Variants in EYA4 observed in about 807,000 individuals in gnomAD.
EYA4 encodes protein phosphatase EYA4.
Under a neutral mutation model 87.9 loss-of-function variants are expected in EYA4, and 31 were observed. The observed-to-expected ratio is 0.35, with a 90% CI of 0.27 to 0.48. The LOEUF is 0.48. Among genes scored for constraint, EYA4 ranks in the 20% least tolerant of loss-of-function variants. EYA4 has a pLI of 0.99. For missense variants in EYA4, 678 were observed against 761.4 expected (o/e 0.89, Z 1.29); for synonymous variants, 263 against 270.6 (o/e 0.97, Z 0.28).
chr6:133,497,382 A>G (rs1322931241), intron 13 of EYA4, among the ~76,000 whole-genome samples: 2 of 152,186 alleles, frequency 1.3e-5, no homozygotes, highest in African/African-American at 4.8e-5. Context: ...AAATTATGTG[A>G]ATTTCCCAAG....
intron 1 of EYA4, among the ~76,000 whole-genome samples, chr6:133,242,675 C>T (rs1774058164): frequency 6.6e-6 from 1 of 152,322 alleles, no homozygotes; most frequent in African/African-American, 2.4e-5. Context: ...AAAGAGTTTT[C>T]TCCCTTTGTT....
chr6:133,245,677 G>C (rs1364386623), intron 1 of EYA4, among the ~76,000 whole-genome samples: 1 of 152,190 alleles, frequency 6.6e-6, no homozygotes, highest in Non-Finnish European at 1.5e-5. Context: ...GCATCTTATA[G>C]TTAGATGTGT....
intron 2 of EYA4, among the ~76,000 whole-genome samples, chr6:133,312,800 A>C (rs2128336150): frequency 6.6e-6 from 1 of 152,092 alleles, no homozygotes; most frequent in Admixed American, 6.5e-5. Flanking sequence ...TAAGAAATTT[A>C]ACTTCTCTTC....
At position 133,530,498 on chromosome 6, in the gene EYA4, T is replaced by A; in HGVS notation, c.*1693T>A. On this transcript the variant is annotated 3_prime_UTR_variant, in exon 20 of 20. Coordinates refer to ENST00000355286, the MANE Select transcript of EYA4 (RefSeq NM_004100.5). Reference sequence around the variant, plus strand: ...TGTGTTTAAAATGTCATAATGTGGATCCTGGAGTCAGGCTACTAGTCAGTG... The same window carrying A: ...TGTGTTTAAAATGTCATAATGTGGAACCTGGAGTCAGGCTACTAGTCAGTG... 1 of 985,838 alleles carries A rather than the reference T, an allele frequency of 1.0e-6. No homozygotes were observed. Among genetic ancestry groups the A allele is most frequent in the Non-Finnish European group, 1.2e-6 (1 of 829,902 alleles). 61.1% of individuals were successfully genotyped at this position (985,838 alleles called of 1,614,324 possible). A position where few individuals can be genotyped will look rare whatever the true frequency, so the allele number is the denominator to read the frequency against.
At chr6:133,388,214 C>A (rs1786928041) in intron 3 of EYA4, among the ~76,000 whole-genome samples, 1 of 151,056 alleles carries the variant, frequency 6.6e-6, no homozygotes, top group African/African-American at 2.4e-5. Flanking sequence ...CGAGACCAGC[C>A]TGGCCAACAT....
intron 2 of EYA4, among the ~76,000 whole-genome samples, chr6:133,373,801 A>G (rs182627072): frequency 1.8e-4 from 28 of 152,204 alleles, no homozygotes; most frequent in Middle Eastern, 3.4e-3. Context: ...AAATTCTTTT[A>G]GCGCTTATGT....
intron 11 of EYA4, among the ~76,000 whole-genome samples, chr6:133,478,081 T>TA (rs978513295): frequency 3.3e-5 from 5 of 151,788 alleles, no homozygotes; most frequent in Non-Finnish European, 5.9e-5. Context: ...ATGGTGAAAA[T>TA]AAAAAAACGC....
Position 133,462,735 on chromosome 6 carries a change from G to C in EYA4, c.695G>C (p.Gly232Ala). 6.2e-7 allele frequency: 1 copy of C among 1,613,914 alleles called. No individual in the cohort carries two copies. Among genetic ancestry groups the C allele is most frequent in the Non-Finnish European group, 8.5e-7 (1 of 1,179,892 alleles). The change falls in exon 9 of 20, where the codon GGC becomes GCC. Residue 232 changes from glycine to alanine, a missense_variant. Gly to Ala is a moderately conservative substitution (Grantham distance 60). Transcript: ENST00000355286. ...CCAGGGTTCTCTACCCCACAGCCAG[G>C]CCAGACACCTTATTCTTACCAAATG... ...YSPGFSTPQP[G>A]QTPYSYQMPG...
intron 10 of EYA4, among the ~76,000 whole-genome samples, chr6:133,466,250 T>A (rs1794828947): frequency 6.6e-6 from 1 of 152,136 alleles, no homozygotes; most frequent in African/African-American, 2.4e-5. Context: ...TTGGGAGGAT[T>A]AAGAAAAGAT....
intron 19 of EYA4, chr6:133,525,750 C>T (rs1180134440): frequency 1.5e-5 from 3 of 206,002 alleles, no homozygotes; most frequent in Non-Finnish European, 2.6e-5. Context: ...ATATGGTCCT[C>T]GTGAGTGCCT....
At chr6:133,439,632 T>C (rs905361482) in intron 3 of EYA4, among the ~76,000 whole-genome samples, 1 of 152,228 alleles carries the variant, frequency 6.6e-6, no homozygotes, top group African/African-American at 2.4e-5. Context: ...CGACAGTACA[T>C]GCAGAGCGTT....
intron 2 of EYA4, among the ~76,000 whole-genome samples, chr6:133,339,364 C>T (rs1782617284): frequency 6.6e-6 from 1 of 152,118 alleles, no homozygotes; most frequent in South Asian, 2.1e-4. Context: ...GTGTGAGGTT[C>T]ACTGTTTGCC....
chr6:133,330,388 T>C (rs935997227), intron 2 of EYA4, among the ~76,000 whole-genome samples: 5 of 152,068 alleles, frequency 3.3e-5, no homozygotes, highest in African/African-American at 1.2e-4. Context: ...CCCCCTCTGC[T>C]AATTACAATG....
At position 133,369,795 on chromosome 6, in the gene EYA4, G is replaced by A. The variant is rs1214671026; in HGVS notation, c.34-12597G>A. Among the ~76,000 whole-genome samples the A allele has an allele frequency of 7.9e-5, 12 of 152,300 alleles. No homozygotes were observed. The East Asian group carries it at 1.4e-3, about 17-fold the overall frequency. On this transcript the variant is annotated intron_variant, in intron 2 of 19. Coordinates refer to ENST00000355286, the MANE Select transcript of EYA4 (RefSeq NM_004100.5). ...ATTTAATGCAGGGATTTAATTCTGA[G>A]TGGTTTACAACAATGGGTTATGAAT...
At chr6:133,284,258 C>T (rs77570610) in intron 2 of EYA4, among the ~76,000 whole-genome samples, 10,290 of 152,218 alleles carry the variant, frequency 0.068, 976 homozygotes, top group African/African-American at 0.21. Flanking sequence ...CAACCTCTGC[C>T]TCCTGAGTTA....
chr6:133,246,510 A>G (rs1001713461), intron 1 of EYA4, among the ~76,000 whole-genome samples: 3 of 151,858 alleles, frequency 2.0e-5, no homozygotes, highest in African/African-American at 7.3e-5. Context: ...TCTGATTCCT[A>G]TTATCACATG....
chr6:133,461,360 G>A (rs1051998881), intron 7 of EYA4, among the ~76,000 whole-genome samples, 180 bp downstream of exon 7: 1 of 152,024 alleles, frequency 6.6e-6, no homozygotes, highest in Admixed American at 6.6e-5. Context: ...TATACCTTGA[G>A]AAAAATATCA....
intron 3 of EYA4, among the ~76,000 whole-genome samples, chr6:133,422,167 A>C (rs1790274780): frequency 6.6e-6 from 1 of 152,160 alleles, no homozygotes; most frequent in African/African-American, 2.4e-5. Flanking sequence ...ATAGATCGTA[A>C]AAATAAACAC....
intron 3 of EYA4, among the ~76,000 whole-genome samples, chr6:133,393,948 T>C (rs1417342327): frequency 6.6e-6 from 1 of 152,184 alleles, no homozygotes; most frequent in Non-Finnish European, 1.5e-5. Context: ...GAGGGCTTAA[T>C]AGAGATTCCA....
Sources: allele counts gnomAD v4.1 joint callset (sites outside exome capture counted in the v4.1 genomes callset), GRCh38; gene constraint gnomAD v4.1.1; transcripts MANE v1.5; gene names NCBI Gene and HGNC (gene_info 2026-07-23, HGNC 2026-07-21).